CCSER1: variants seen among roughly 807,000 people sequenced by gnomAD.
CCSER1 encodes coiled-coil serine rich protein 1.
A neutral mutation model predicts 82.0 loss-of-function variants in CCSER1; 41 were observed. That is an observed-to-expected ratio of 0.50 (90% CI 0.39 to 0.65). CCSER1 has a LOEUF of 0.65. CCSER1 is among the 30% of genes least tolerant of loss of function. The probability of loss-of-function intolerance (pLI) is 0.00; values close to 1 mark genes in which losing one functional copy is unlikely to be tolerated. For synonymous variants in CCSER1, 414 were observed against 383.9 expected (o/e 1.08, Z -0.92); for missense variants, 1,119 against 1,064.2 (o/e 1.05, Z -0.72).
At chr4:90,569,337 G>A (rs1264641317) in intron 5 of CCSER1, among the ~76,000 whole-genome samples, 1 of 152,130 alleles carries the variant, frequency 6.6e-6, no homozygotes, top group African/African-American at 2.4e-5. Flanking sequence ...CTGAAGCTCT[G>A]GACTGATTGG....
chr4:91,164,864 A>G (rs999454622), intron 10 of CCSER1, among the ~76,000 whole-genome samples: 5 of 152,094 alleles, frequency 3.3e-5, no homozygotes, highest in African/African-American at 4.8e-5. Flanking sequence ...CTTCTTTGCA[A>G]TGGGTTCAAA....
chr4:91,338,353 A>G (rs1007624044), intron 10 of CCSER1, among the ~76,000 whole-genome samples: 28 of 152,312 alleles, frequency 1.8e-4, no homozygotes, highest in Middle Eastern at 3.4e-3. Context: ...ATTCTATTTC[A>G]GATTCTTAAG....
At chr4:91,119,572 A>G (rs1726914779) in intron 10 of CCSER1, among the ~76,000 whole-genome samples, 1 of 151,954 alleles carries the variant, frequency 6.6e-6, no homozygotes. Context: ...AGTTGAGTCA[A>G]TTTTTTCAAA....
At chr4:91,206,886 C>T (rs995156032) in intron 10 of CCSER1, among the ~76,000 whole-genome samples, 1 of 151,832 alleles carries the variant, frequency 6.6e-6, no homozygotes, top group Non-Finnish European at 1.5e-5. Context: ...CTGGAATCAA[C>T]TATTTGGGCA....
intron 5 of CCSER1, among the ~76,000 whole-genome samples, chr4:90,487,275 T>A (rs1767257510): frequency 6.6e-6 from 1 of 152,238 alleles, no homozygotes; most frequent in African/African-American, 2.4e-5. Flanking sequence ...ACAGCCAGAA[T>A]TCCTGCTTAT....
At chr4:90,729,587 A>G (rs1744322824) in intron 7 of CCSER1, among the ~76,000 whole-genome samples, 1 of 152,180 alleles carries the variant, frequency 6.6e-6, no homozygotes, top group Non-Finnish European at 1.5e-5. Context: ...AAGAACATAT[A>G]TATATTGGCC....
intron 5 of CCSER1, among the ~76,000 whole-genome samples, chr4:90,534,389 G>A (rs898845067): frequency 3.3e-5 from 5 of 151,544 alleles, no homozygotes; most frequent in African/African-American, 4.9e-5. Context: ...TCGGCCTCCC[G>A]AAGTGCTGGG....
intron 7 of CCSER1, among the ~76,000 whole-genome samples, chr4:90,798,424 C>T (rs1245433413): frequency 6.6e-6 from 1 of 151,282 alleles, no homozygotes; most frequent in Non-Finnish European, 1.5e-5. Flanking sequence ...TTAATATACT[C>T]TTGTAGCTCA....
In CCSER1 at chr4:91,541,598, C is replaced by A. The variant is rs184566628; in HGVS notation, c.2218-56974C>A. ...CTGCATAGTATTCCATGGTGTATAT[C>A]TGCCACATTTTCTTAATCCAGTCTA... On this transcript the variant is annotated intron_variant, in intron 10 of 10. Transcript: ENST00000509176. 9.9e-5 allele frequency among the ~76,000 whole-genome samples: 15 copies of A among 152,194 alleles called. No individual in the cohort carries two copies. The East Asian group carries it at 2.9e-3, about 29-fold the overall frequency.
At chr4:90,582,570 A>T (rs566060968) in intron 5 of CCSER1, among the ~76,000 whole-genome samples, 1 of 152,346 alleles carries the variant, frequency 6.6e-6, no homozygotes, top group East Asian at 1.9e-4. Context: ...ATTGTTTATC[A>T]ATCAGTTAAC....
chr4:91,112,291 T>G (rs2148874264), intron 10 of CCSER1, among the ~76,000 whole-genome samples: 1 of 152,146 alleles, frequency 6.6e-6, no homozygotes. Flanking sequence ...TTTTGACACT[T>G]TTTTTTCTTT....
chr4:90,988,499 A>T (rs369619765), intron 9 of CCSER1, among the ~76,000 whole-genome samples: 3 of 151,740 alleles, frequency 2.0e-5, no homozygotes, highest in African/African-American at 7.2e-5. Context: ...GTCAGCAGGA[A>T]ATTTTGATTC....
intron 9 of CCSER1, among the ~76,000 whole-genome samples, chr4:90,966,588 T>G (rs2150388151): frequency 6.6e-6 from 1 of 152,144 alleles, no homozygotes; most frequent in Admixed American, 6.5e-5. Flanking sequence ...TATAAGAAAT[T>G]TTAAAGAAAG....
At chr4:91,476,173 A>T (rs1169755682) in intron 10 of CCSER1, among the ~76,000 whole-genome samples, 1 of 151,792 alleles carries the variant, frequency 6.6e-6, no homozygotes, top group Non-Finnish European at 1.5e-5. Flanking sequence ...GGATGGGTAG[A>T]TTATATGGTA....
chr4:90,806,220 T>A (rs1415717134), intron 7 of CCSER1, among the ~76,000 whole-genome samples: 1 of 152,226 alleles, frequency 6.6e-6, no homozygotes, highest in Non-Finnish European at 1.5e-5. Flanking sequence ...TTATAAATTG[T>A]CTTCTTATGG....
At position 91,079,459 on chromosome 4, in the gene CCSER1, A is replaced by G. The variant is rs527911178; in HGVS notation, c.2173-6491A>G. Among the ~76,000 whole-genome samples, 9 of 152,344 alleles carry G rather than the reference A, an allele frequency of 5.9e-5. No homozygotes were observed. The South Asian group carries it at 1.9e-3, about 32-fold the overall frequency. ...TAGAAAGGAACATCTGGTACCAGCC[A>G]CTGCAAAAACATGCCAAATAAGGCC... is the stretch of plus-strand genomic sequence containing the variant. On this transcript the variant is annotated intron_variant, in intron 9 of 10. Transcript: ENST00000509176.
chr4:90,615,675 G>GT (rs59211032), intron 5 of CCSER1, among the ~76,000 whole-genome samples: 260 of 147,402 alleles, frequency 1.8e-3, no homozygotes, highest in East Asian at 4.6e-3. Context: ...AGAAAGTGTT[G>GT]TTTTTTTTTT....
intron 7 of CCSER1, among the ~76,000 whole-genome samples, chr4:90,779,342 T>A (rs183665970): frequency 1.2e-3 from 179 of 152,278 alleles, no homozygotes; most frequent in Non-Finnish European, 2.2e-3. Flanking sequence ...ATACATTACT[T>A]CTTCAAAAAA....
chr4:91,432,524 T>C (rs1754388307), intron 10 of CCSER1, among the ~76,000 whole-genome samples: 1 of 152,156 alleles, frequency 6.6e-6, no homozygotes, highest in Non-Finnish European at 1.5e-5. Flanking sequence ...TTTATGAGAG[T>C]GTCTGTTTCC....
Sources: gnomAD v4.1 joint callset for allele counts (sites outside exome capture counted in the v4.1 genomes callset) on GRCh38, gnomAD v4.1.1 for gene constraint, MANE v1.5 for transcripts, NCBI Gene and HGNC (gene_info 2026-07-23, HGNC 2026-07-21) for gene names.